Variants in UNC80 observed in about 807,000 individuals in gnomAD.
UNC80 encodes the protein protein unc-80 homolog.
UNC80 carries 164 observed loss-of-function variants against 384.6 expected under a neutral mutation model. That is an observed-to-expected ratio of 0.43 (90% CI 0.38 to 0.49). The LOEUF is 0.49. Ranked by LOEUF, UNC80 falls within the 20% of genes least tolerant of loss-of-function variation. UNC80 has a pLI of 0.00. For missense variants in UNC80, 3,330 were observed against 4,143.0 expected (o/e 0.80, Z 5.39); for synonymous variants, 1,486 against 1,527.8 (o/e 0.97, Z 0.64).
In UNC80 at chr2:209,826,045, C is replaced by T. The variant is rs1274923045; in HGVS notation, c.2470C>T (p.Arg824Ter). The T allele has an allele frequency of 3.9e-6, 6 of 1,548,170 alleles. No homozygotes were observed. Among genetic ancestry groups the T allele is most frequent in the Middle Eastern group, 1.7e-4 (1 of 5,972 alleles). ...AGATCGTCTGAGACACCAGGTATTCCGAGAGAATGTAAGAGAATTAAAGTA... is the reference window on the plus strand; with the variant it reads ...AGATCGTCTGAGACACCAGGTATTCTGAGAGAATGTAAGAGAATTAAAGTA... ...SGDRLRHQVFRENAQNCLTKL... is the reference protein window; with the variant it reads ...SGDRLRHQVF The change falls in exon 14 of 65, where the codon CGA becomes TGA. Residue 824 changes from arginine to a stop codon, truncating the protein, a stop_gained. Coordinates refer to ENST00000673920, the MANE Select transcript of UNC80 (RefSeq NM_001371986.1). LOFTEE classifies it high-confidence loss of function.
chr2:209,821,168 G>A (rs1041678956), intron 13 of UNC80, among the ~76,000 whole-genome samples: 29 of 151,760 alleles, frequency 1.9e-4, no homozygotes, highest in Admixed American at 9.8e-4. Flanking sequence ...CTCTTCTCTT[G>A]CCTTGTAGGT....
Position 209,834,971 on chromosome 2 carries a change from G to A in UNC80, c.3002G>A (p.Arg1001His), listed in dbSNP as rs763702668. ...GTATCCTCTGCACCTGAGGAATGTC[G>A]CAGCTTCATGTCTGGTCGCCCCTCA... The part of the protein sequence containing the change: ...GQVSSAPEEC[R>H]SFMSGRPSQT... The change falls in exon 18 of 65, where the codon CGC becomes CAC. Residue 1001 changes from arginine to histidine, a missense_variant. Arg to His is a conservative substitution (Grantham distance 29). This residue lies in a region of UNC80 where 801 missense variants were observed against 950.8 expected (regional missense o/e 0.84). Coordinates refer to ENST00000673920, the MANE Select transcript of UNC80 (RefSeq NM_001371986.1). 3.7e-5 allele frequency: 58 copies of A among 1,550,834 alleles called. No individual in the cohort carries two copies. Among genetic ancestry groups the A allele is most frequent in the African/African-American group, 6.8e-5 (5 of 72,994 alleles).
intron 37 of UNC80, among the ~76,000 whole-genome samples, chr2:209,930,457 G>C (rs1247956453): frequency 6.6e-6 from 1 of 152,120 alleles, no homozygotes; most frequent in Non-Finnish European, 1.5e-5. Context: ...ATATTCACTG[G>C]AAGGTTAAGT....
At chr2:209,847,078 A>G (rs1010532218) in intron 21 of UNC80, among the ~76,000 whole-genome samples, 1 of 151,968 alleles carries the variant, frequency 6.6e-6, no homozygotes, top group Non-Finnish European at 1.5e-5. Flanking sequence ...AGGTTTGTGC[A>G]CTCTCAGTGG....
intron 7 of UNC80, chr2:209,794,815 C>G: frequency 2.2e-6 from 1 of 454,942 alleles, no homozygotes; most frequent in Non-Finnish European, 4.4e-6. Flanking sequence ...CACTTCCCAC[C>G]ATGATTCTGA....
intron 22 of UNC80, among the ~76,000 whole-genome samples, chr2:209,856,303 A>G (rs2082912515): frequency 6.6e-6 from 1 of 152,078 alleles, no homozygotes; most frequent in Admixed American, 6.6e-5. Flanking sequence ...TTGGAAGATT[A>G]TCTTTTATTG....
Position 209,817,792 on chromosome 2 carries a change from G to A in UNC80, c.1553-20G>A. 3 of 1,551,372 alleles carry A rather than the reference G, an allele frequency of 1.9e-6. No individual in the cohort carries two copies. Among genetic ancestry groups the A allele is most frequent in the Non-Finnish European group, 2.6e-6 (3 of 1,146,870 alleles). ...TTCAGATTTTAAAACCCTCTTGTGGGGTGCTCTTATTCATCCCAGGGAAAT... is the reference window on the plus strand; with the variant it reads ...TTCAGATTTTAAAACCCTCTTGTGGAGTGCTCTTATTCATCCCAGGGAAAT... On this transcript the variant is annotated intron_variant, in intron 10 of 64. Transcript: ENST00000673920.
At position 209,773,138 on chromosome 2, in the gene UNC80, G is replaced by C. The variant is rs1320264327; in HGVS notation, c.137G>C (p.Cys46Ser). The change falls in exon 2 of 65, where the codon TGT becomes TCT. Residue 46 changes from cysteine to serine, a missense_variant. By Grantham distance (112) the Cys-to-Ser change is moderately radical. Around this residue, in one of 8 missense-constraint regions of UNC80, gnomAD observed 86 missense variants for 141.5 expected, o/e 0.61. Coordinates refer to ENST00000673920, the MANE Select transcript of UNC80 (RefSeq NM_001371986.1). ...PKLGKQYEAS[C>S]VSFERVLVEN... ...CTGGGGAAGCAATATGAAGCTTCTTGTGTGGTATGTGATTTTCACCATTTA... is the reference window on the plus strand; with the variant it reads ...CTGGGGAAGCAATATGAAGCTTCTTCTGTGGTATGTGATTTTCACCATTTA... 2 of 1,613,180 alleles carry C rather than the reference G, an allele frequency of 1.2e-6. No individual in the cohort carries two copies. Among genetic ancestry groups the C allele is most frequent in the Admixed American group, 3.3e-5 (2 of 60,002 alleles).
chr2:209,883,000 T>C (rs764606057), intron 25 of UNC80, among the ~76,000 whole-genome samples: 6 of 152,222 alleles, frequency 3.9e-5, no homozygotes, highest in Non-Finnish European at 7.3e-5. Flanking sequence ...TCACCTTTAA[T>C]TGGGCCTCTG....
In UNC80 at chr2:209,779,408, T is replaced by C. The variant is rs572837626; in HGVS notation, c.600+1849T>C. On this transcript the variant is annotated intron_variant, in intron 4 of 64. Transcript: ENST00000673920. ...AGCCATGTACTTGTCATTGGTTTACTCAGAACTCAAATGGCAACACTTCAG... is the reference window on the plus strand; with the variant it reads ...AGCCATGTACTTGTCATTGGTTTACCCAGAACTCAAATGGCAACACTTCAG... Among the ~76,000 whole-genome samples the C allele has an allele frequency of 5.9e-5, 9 of 152,352 alleles. No homozygotes were observed. The Middle Eastern group carries it at 0.017, about 288-fold the overall frequency.
chr2:209,970,150 G>A (rs1221667908), intron 53 of UNC80: 7 of 429,358 alleles, frequency 1.6e-5, no homozygotes, highest in East Asian at 8.2e-5. Flanking sequence ...TTCAAGTTGC[G>A]CTGAGAGTTG....
At chr2:209,808,764 T>C in intron 7 of UNC80, 1 of 251,306 alleles carries the variant, frequency 4.0e-6, no homozygotes, top group Non-Finnish European at 7.8e-6. Context: ...TCGCCTGCGC[T>C]ACTTCTGCGC....
chr2:209,824,523 C>T (rs1052343532), intron 13 of UNC80, among the ~76,000 whole-genome samples: 1 of 152,128 alleles, frequency 6.6e-6, no homozygotes, highest in Admixed American at 6.5e-5. Flanking sequence ...TGGCCCTGTC[C>T]AGTCATTAGA....
At chr2:209,955,738 T>G (rs13007620) in intron 48 of UNC80, among the ~76,000 whole-genome samples, 1 of 53,554 alleles carries the variant, frequency 1.9e-5, no homozygotes, top group Non-Finnish European at 3.1e-5. Context: ...TATATATATA[T>G]ACACACACAC....
intron 4 of UNC80, among the ~76,000 whole-genome samples, chr2:209,780,665 A>G (rs1435502742): frequency 6.6e-6 from 1 of 152,174 alleles, no homozygotes; most frequent in East Asian, 1.9e-4. Context: ...CCAACCACAG[A>G]TGACTCCAGA....
intron 28 of UNC80, among the ~76,000 whole-genome samples, chr2:209,904,047 A>T (rs540108734): frequency 6.6e-6 from 1 of 152,314 alleles, no homozygotes; most frequent in Non-Finnish European, 1.5e-5. Context: ...CTCCTTAAGA[A>T]GTTCCAAATG....
At chr2:209,975,469 T>C (rs1182103861) in intron 56 of UNC80, among the ~76,000 whole-genome samples, 2 of 152,148 alleles carry the variant, frequency 1.3e-5, no homozygotes, top group Non-Finnish European at 2.9e-5. Flanking sequence ...ATAAATCCAG[T>C]AGGGTTTAGT....
chr2:209,800,545 T>C (rs777448697), intron 7 of UNC80, among the ~76,000 whole-genome samples: 5 of 151,978 alleles, frequency 3.3e-5, no homozygotes, highest in Admixed American at 6.6e-5. Context: ...GTTTTTCATG[T>C]CCCTATCTTC....
chr2:209,954,271 G>A lies in UNC80; in HGVS notation c.7457+1G>A. 1 of 1,479,644 alleles carries A rather than the reference G, an allele frequency of 6.8e-7. No homozygotes were observed. Among genetic ancestry groups the A allele is most frequent in the Admixed American group, 2.5e-5 (1 of 39,882 alleles). The allele number at this position is 1,479,644 out of a possible 1,614,324, so 91.7% of individuals were successfully genotyped here. ...TGTACAGTGTAGAGGTCCTCACCAG[G>A]TAATCCCATTGGCAGAAATAGCTAC... On this transcript the variant is annotated splice_donor_variant, in intron 48 of 64. Transcript: ENST00000673920. LOFTEE classifies it high-confidence loss of function.
Sources: allele counts gnomAD v4.1 joint callset (sites outside exome capture counted in the v4.1 genomes callset), GRCh38; gene constraint gnomAD v4.1.1; regional missense constraint gnomAD v4.1.1; transcripts MANE v1.5; gene names NCBI Gene and HGNC (gene_info 2026-07-23, HGNC 2026-07-21).